Variants in VSTM4 observed in about 807,000 individuals in gnomAD.
The protein encoded by VSTM4 is V-set and transmembrane domain-containing protein 4.
VSTM4 carries 20 observed loss-of-function variants against 36.4 expected under a neutral mutation model. The ratio of observed to expected loss-of-function variants is 0.55; its 90% confidence interval spans 0.39 to 0.80. The LOEUF (loss-of-function observed/expected upper bound fraction) is 0.80. VSTM4 is among the 30% of genes least tolerant of loss of function. The probability of loss-of-function intolerance (pLI) is 0.00; values close to 1 mark genes in which losing one functional copy is unlikely to be tolerated. For synonymous variants in VSTM4, 182 were observed against 173.9 expected (o/e 1.05, Z -0.37); for missense variants, 392 against 404.5 (o/e 0.97, Z 0.26).
intron 2 of VSTM4, among the ~76,000 whole-genome samples, chr10:49,105,464 G>A (rs1161359664): frequency 6.6e-6 from 1 of 152,146 alleles, no homozygotes; most frequent in South Asian, 2.1e-4. Context: ...GAAAAGAGGC[G>A]GGGAGTGAAG....
At chr10:49,087,732 T>C (rs1051908601) in intron 2 of VSTM4, among the ~76,000 whole-genome samples, 11 of 152,062 alleles carry the variant, frequency 7.2e-5, no homozygotes, top group African/African-American at 2.2e-4. Context: ...ACTTTCTCCA[T>C]AGCTTCTCTC....
intron 4 of VSTM4, among the ~76,000 whole-genome samples, chr10:49,067,322 T>A (rs1213125077): frequency 6.6e-6 from 1 of 152,258 alleles, no homozygotes; most frequent in South Asian, 2.1e-4. Context: ...ACTTTTATCT[T>A]ACAGCGGAGG....
In VSTM4 at chr10:49,093,742, C is replaced by CTTT. The variant is rs35299738; in HGVS notation, c.458-7722_458-7720dup. On this transcript the variant is annotated intron_variant, in intron 2 of 7. Transcript: ENST00000332853. Reference sequence around the variant, plus strand: ...GCCCATAGTTCAAGTCATAGTTACTCTTTTTTTTTTTTTTTTTTTTTTTGA... The same window carrying CTTT: ...GCCCATAGTTCAAGTCATAGTTACTCTTTTTTTTTTTTTTTTTTTTTTTTTTGA... 5.4e-3 allele frequency among the ~76,000 whole-genome samples: 561 copies of CTTT among 103,620 alleles called. 11 individuals are homozygous for CTTT. Among genetic ancestry groups the CTTT allele is most frequent in the East Asian group, 0.03 (104 of 3,450 alleles). 68.0% of individuals were successfully genotyped at this position (103,620 alleles called of 152,430 possible).
chr10:49,043,056 T>C (rs2943254), intron 7 of VSTM4, among the ~76,000 whole-genome samples: 119,394 of 151,648 alleles, frequency 0.79, 48,179 homozygotes, highest in Non-Finnish European at 0.89. Context: ...TGAAGGGAAA[T>C]GAGAGAGAGG....
chr10:49,106,228 G>A (rs1286569004), intron 2 of VSTM4, among the ~76,000 whole-genome samples: 1 of 152,158 alleles, frequency 6.6e-6, no homozygotes, highest in Non-Finnish European at 1.5e-5. Flanking sequence ...AAAAAGGCTT[G>A]TCAAAACAAC....
At chr10:49,060,237 G>T (rs147228233) in intron 5 of VSTM4, among the ~76,000 whole-genome samples, 56 of 152,328 alleles carry the variant, frequency 3.7e-4, no homozygotes, top group Middle Eastern at 3.4e-3. Flanking sequence ...GAGCGGAATT[G>T]CTGGGTCATA....
intron 4 of VSTM4, among the ~76,000 whole-genome samples, chr10:49,075,941 AG>A (rs1554833651): frequency 1.3e-5 from 2 of 152,180 alleles, no homozygotes; most frequent in Non-Finnish European, 2.9e-5. Flanking sequence ...CTGGTTTGTC[AG>A]GAGCTGAGTC....
intron 7 of VSTM4, among the ~76,000 whole-genome samples, chr10:49,027,330 G>T (rs1590067965): frequency 1.3e-5 from 2 of 152,124 alleles, no homozygotes; most frequent in East Asian, 3.9e-4. Flanking sequence ...TGTGTGCCAG[G>T]CCCCCCACGC....
intron 2 of VSTM4, among the ~76,000 whole-genome samples, chr10:49,104,961 A>G (rs1206631001): frequency 6.1e-5 from 9 of 147,208 alleles, no homozygotes. Context: ...AGGGAGAGAG[A>G]CAGAGAGACA....
At chr10:49,064,969 C>T (rs376490783) in intron 4 of VSTM4, among the ~76,000 whole-genome samples, 2 of 152,200 alleles carry the variant, frequency 1.3e-5, no homozygotes, top group African/African-American at 2.4e-5. Flanking sequence ...TTAAGCCATA[C>T]ACCCCAGACT....
intron 3 of VSTM4, among the ~76,000 whole-genome samples, chr10:49,081,627 C>G (rs922022266): frequency 2.0e-4 from 31 of 152,236 alleles, no homozygotes; most frequent in African/African-American, 7.2e-4. Context: ...TTCACAGCTT[C>G]CTCAACATGG....
At chr10:49,030,496 C>T (rs1475715276) in intron 7 of VSTM4, among the ~76,000 whole-genome samples, 1 of 152,196 alleles carries the variant, frequency 6.6e-6, no homozygotes, top group African/African-American at 2.4e-5. Context: ...TCTGCATGGT[C>T]ACCCAGGGAC....
At chr10:49,026,213 G>A (rs930734867) in intron 7 of VSTM4, among the ~76,000 whole-genome samples, 6 of 152,312 alleles carry the variant, frequency 3.9e-5, no homozygotes, top group African/African-American at 1.4e-4. Context: ...AGACCGAGGA[G>A]CCTAGTGTCT....
intron 1 of VSTM4, among the ~76,000 whole-genome samples, chr10:49,113,094 C>A (rs890054889): frequency 2.6e-5 from 4 of 152,208 alleles, no homozygotes; most frequent in African/African-American, 9.6e-5. Flanking sequence ...CTCCCACTTC[C>A]TCTCTGCCTG....
At chr10:49,044,082 C>T (rs1466623606) in intron 7 of VSTM4, among the ~76,000 whole-genome samples, 1 of 152,212 alleles carries the variant, frequency 6.6e-6, no homozygotes, top group Non-Finnish European at 1.5e-5. Context: ...AATCCCAACA[C>T]TTTTGGACGC....
At chr10:49,080,654 A>G (rs900706295) in intron 3 of VSTM4, among the ~76,000 whole-genome samples, 3 of 152,220 alleles carry the variant, frequency 2.0e-5, no homozygotes, top group African/African-American at 7.2e-5. Context: ...AGAGCTAGTC[A>G]TGGATGCAGA....
intron 2 of VSTM4, among the ~76,000 whole-genome samples, chr10:49,094,876 TGCCTCTCCAAGACTTAGGTCAAAG>T (rs1182332440): frequency 6.6e-6 from 1 of 152,134 alleles, no homozygotes; most frequent in Non-Finnish European, 1.5e-5. Context: ...CTTTCTCCCT[TGCCTCTCCAAGACTTAGGTCAAAG>T]GCAGTCTCCC....
chr10:49,034,031 CCAT>C (rs778619004), intron 7 of VSTM4, among the ~76,000 whole-genome samples: 2 of 151,278 alleles, frequency 1.3e-5, no homozygotes, highest in Non-Finnish European at 2.9e-5. Context: ...ATTACCAACA[CCAT>C]CATCATCACT....
At chr10:49,046,224 C>A (rs1843608854) in intron 7 of VSTM4, among the ~76,000 whole-genome samples, 1 of 152,016 alleles carries the variant, frequency 6.6e-6, no homozygotes, top group Admixed American at 6.6e-5. Context: ...ACTAATACAC[C>A]CCATTTCTAA....
Sources: allele counts gnomAD v4.1 joint callset (sites outside exome capture counted in the v4.1 genomes callset), GRCh38; gene constraint gnomAD v4.1.1; transcripts MANE v1.5; gene names NCBI Gene and HGNC (gene_info 2026-07-23, HGNC 2026-07-21).